YEATS2: variants seen among roughly 807,000 people sequenced by gnomAD.
The protein encoded by YEATS2 is YEATS domain containing 2.
A neutral mutation model predicts 163.2 loss-of-function variants in YEATS2; 77 were observed. The observed-to-expected ratio is 0.47, with a 90% CI of 0.39 to 0.57. The LOEUF (loss-of-function observed/expected upper bound fraction) is 0.57. Among genes scored for constraint, YEATS2 ranks in the 20% least tolerant of loss-of-function variants. YEATS2 has a pLI of 0.00. For missense variants in YEATS2, 1,549 were observed against 1,729.8 expected, an observed-to-expected ratio of 0.90 and a Z score of 1.85; for synonymous variants, 631 against 645.1, an observed-to-expected ratio of 0.98 and a Z score of 0.33.
intron 28 of YEATS2, 124 bp from the exon 29 acceptor site, chr3:183,807,906 A>C: frequency 1.5e-6 from 1 of 681,322 alleles, no homozygotes. Flanking sequence ...ATTTTGCCCA[A>C]TATGTTTGCA....
chr3:183,774,780 C>T (rs10513795), intron 17 of YEATS2, among the ~76,000 whole-genome samples: 4,286 of 152,282 alleles, frequency 0.028, 204 homozygotes, highest in African/African-American at 0.096. Context: ...GTCAGCTCAT[C>T]ATCCTTGCGT....
intron 27 of YEATS2, among the ~76,000 whole-genome samples, chr3:183,804,765 A>G (rs1726014993): frequency 1.3e-5 from 2 of 150,626 alleles, no homozygotes; most frequent in African/African-American, 4.9e-5. Flanking sequence ...AGGCGGGTGG[A>G]TCATGAGGTC....
chr3:183,803,105 C>T, intron 25 of YEATS2, 151 bp from the exon 26 acceptor site: 1 of 738,960 alleles, frequency 1.4e-6, no homozygotes, highest in Non-Finnish European at 2.3e-6. Context: ...AGGAGACGCC[C>T]TCCTGTGTTA....
At chr3:183,744,988 C>T (rs1719372422) in intron 8 of YEATS2, among the ~76,000 whole-genome samples, 1 of 152,054 alleles carries the variant, frequency 6.6e-6, no homozygotes, top group Admixed American at 6.6e-5. Flanking sequence ...ATAGCTGGGA[C>T]TACAGGTGCA....
At chr3:183,802,892 C>T (rs1283661118) in intron 25 of YEATS2, 2 of 188,218 alleles carry the variant, frequency 1.1e-5, no homozygotes, top group Non-Finnish European at 2.2e-5. Context: ...ATCACATCAC[C>T]GCACTCCAGC....
rs1378212544 is a variant in YEATS2 at position 183,747,585 on chromosome 3, A to G, written c.925-87A>G. On this transcript the variant is annotated intron_variant, in intron 8 of 30. Transcript: ENST00000305135. Reference sequence around the variant, plus strand: ...AGATCCTATGGTATGAAGACTTGCAAAAGAGCTGTAGATAAAGATTGTATC... The same window carrying G: ...AGATCCTATGGTATGAAGACTTGCAGAAGAGCTGTAGATAAAGATTGTATC... The G allele has an allele frequency of 2.5e-5, 28 of 1,116,604 alleles. 1 individual carries two copies. The East Asian group carries it at 6.8e-4, about 27-fold the overall frequency. 69.2% of individuals were successfully genotyped at this position (1,116,604 alleles called of 1,614,324 possible). A position where few individuals can be genotyped will look rare whatever the true frequency, so the allele number is the denominator to read the frequency against.
At chr3:183,716,454 CG>C (rs1277854542) in intron 2 of YEATS2, among the ~76,000 whole-genome samples, 1 of 152,134 alleles carries the variant, frequency 6.6e-6, no homozygotes, top group Non-Finnish European at 1.5e-5. Flanking sequence ...TGAAGTCCTA[CG>C]TATCCCCAGA....
intron 11 of YEATS2, among the ~76,000 whole-genome samples, chr3:183,754,892 T>C (rs550867304): frequency 6.6e-6 from 1 of 152,310 alleles, no homozygotes; most frequent in South Asian, 2.1e-4. Context: ...ATAGTTTCAT[T>C]TTATGTTAGG....
intron 7 of YEATS2, among the ~76,000 whole-genome samples, chr3:183,731,245 G>A (rs1341074818): frequency 1.3e-5 from 2 of 149,088 alleles, no homozygotes; most frequent in Non-Finnish European, 2.9e-5. Flanking sequence ...GTTGCAGTGA[G>A]CCAAGATCGT....
At chr3:183,743,236 T>C (rs79728573) in intron 8 of YEATS2, among the ~76,000 whole-genome samples, 4,220 of 152,238 alleles carry the variant, frequency 0.028, 186 homozygotes, top group African/African-American at 0.095. Flanking sequence ...AAAAGAAATA[T>C]ACCAAAAAGT....
At chr3:183,801,147 C>T (rs1725630579) in intron 24 of YEATS2, 1 of 226,304 alleles carries the variant, frequency 4.4e-6, no homozygotes, top group Non-Finnish European at 8.6e-6. Flanking sequence ...AATTTTTCTC[C>T]CCTAGTAGCA....
chr3:183,803,341 C>G lies in YEATS2; in HGVS notation c.3582+6C>G, dbSNP rs1028308624. 1 of 1,608,792 alleles carries G rather than the reference C, an allele frequency of 6.2e-7. No homozygotes were observed. The highest frequency in any genetic ancestry group is 1.7e-5 in the Admixed American group (1 of 59,492). On this transcript the variant is annotated splice_donor_region_variant and intron_variant, in intron 26 of 30. Transcript: ENST00000305135. The stretch of plus-strand genomic sequence containing the variant: ...GAAAAAGGAGAGCCGCTGAGGTAAC[C>G]CACATCTGCCTGTCCACTCTGGCTG...
chr3:183,770,362 C>T (rs571185455), intron 15 of YEATS2, among the ~76,000 whole-genome samples: 10 of 151,836 alleles, frequency 6.6e-5, no homozygotes, highest in East Asian at 3.9e-4. Flanking sequence ...GGTGACAGAG[C>T]GAGACTCCGT....
intron 16 of YEATS2, 37 bp from the exon 17 acceptor site, chr3:183,773,596 A>T: frequency 6.4e-7 from 1 of 1,552,342 alleles, no homozygotes; most frequent in Non-Finnish European, 8.7e-7. Context: ...CCTTAGTTTC[A>T]ATTTATCTTA....
intron 12 of YEATS2, among the ~76,000 whole-genome samples, chr3:183,758,020 A>T (rs1577126088): frequency 1.3e-5 from 2 of 152,182 alleles, no homozygotes; most frequent in African/African-American, 4.8e-5. Context: ...ATATGACTAA[A>T]TTTTTTTCAG....
chr3:183,725,494 ATG>A (rs150255238), intron 6 of YEATS2, among the ~76,000 whole-genome samples: 2,788 of 152,354 alleles, frequency 0.018, 90 homozygotes, highest in East Asian at 0.15. Context: ...ACAGTGCCAC[ATG>A]GCTAGGGAGG....
At chr3:183,714,743 C>T (rs1715653177) in intron 1 of YEATS2, among the ~76,000 whole-genome samples, 3 of 152,124 alleles carry the variant, frequency 2.0e-5, no homozygotes, top group Non-Finnish European at 4.4e-5. Context: ...TTCTAAGACA[C>T]TGTGTGGGCT....
rs547196831 is a variant in YEATS2, at chr3:183,764,984, A to G, written c.1947+2705A>G. On this transcript the variant is annotated intron_variant, in intron 15 of 30. Transcript: ENST00000305135. ...AGATCCCTGGGAATCTGGGTTTTTA[A>G]TAAGTGTTTCTGCTGATTCATCTAC... Among the ~76,000 whole-genome samples the G allele has an allele frequency of 5.9e-5, 9 of 152,238 alleles. No individual in the cohort carries two copies. The East Asian group carries it at 9.6e-4, about 16-fold the overall frequency.
intron 12 of YEATS2, among the ~76,000 whole-genome samples, chr3:183,757,625 C>T (rs1254067222): frequency 2.0e-5 from 3 of 152,122 alleles, no homozygotes; most frequent in South Asian, 2.1e-4. Flanking sequence ...ATAAACTTCC[C>T]TGAAGTTTTC....
Sources: gnomAD v4.1 joint callset for allele counts (sites outside exome capture counted in the v4.1 genomes callset) on GRCh38, gnomAD v4.1.1 for gene constraint, MANE v1.5 for transcripts, NCBI Gene and HGNC (gene_info 2026-07-23, HGNC 2026-07-21) for gene names.